AP3B1: variants seen among roughly 807,000 people sequenced by gnomAD.
AP3B1 encodes adaptor related protein complex 3 subunit beta 1.
In AP3B1, 61 loss-of-function variants were observed where a neutral mutation model predicts 132.5. The observed-to-expected ratio is 0.46, with a 90% CI of 0.37 to 0.57. The LOEUF is 0.57. Ranked by LOEUF, AP3B1 falls within the 20% of genes least tolerant of loss-of-function variation. The probability of loss-of-function intolerance (pLI) is 0.00; values close to 1 mark genes in which losing one functional copy is unlikely to be tolerated. For missense variants in AP3B1, 1,120 were observed against 1,289.4 expected, an observed-to-expected ratio of 0.87 and a Z score of 2.01; for synonymous variants, 388 against 438.3, an observed-to-expected ratio of 0.89 and a Z score of 1.43.
At position 78,239,428 on chromosome 5, in the gene AP3B1, G is replaced by A. The variant is rs145411710; in HGVS notation, c.279+1434C>T. The stretch of plus-strand genomic sequence containing the variant: ...CAAGGCTACAGTAAGCCACGATCAT[G>A]CCACTGCACTCCAGCCTGGGAGATA... On this transcript the variant is annotated intron_variant, in intron 3 of 26. Coordinates refer to ENST00000255194, the MANE Select transcript of AP3B1 (RefSeq NM_003664.5). 6.0e-4 allele frequency among the ~76,000 whole-genome samples: 87 copies of A among 145,562 alleles called. 1 individual carries two copies. The East Asian group carries it at 0.017, about 28-fold the overall frequency.
At chr5:78,059,807 T>C (rs1054200458) in intron 22 of AP3B1, among the ~76,000 whole-genome samples, 21 of 152,346 alleles carry the variant, frequency 1.4e-4, no homozygotes, top group African/African-American at 5.1e-4. Context: ...TTCAATTTAA[T>C]GCACTGCTTA....
At chr5:78,144,681 C>T (rs986325517) in intron 14 of AP3B1, among the ~76,000 whole-genome samples, 2 of 152,132 alleles carry the variant, frequency 1.3e-5, no homozygotes, top group Admixed American at 6.5e-5. Flanking sequence ...TGTGAGGCAT[C>T]TGGGCAACAA....
At chr5:78,024,561 A>ATTTTTT (rs70997962) in intron 24 of AP3B1, among the ~76,000 whole-genome samples, 4 of 113,478 alleles carry the variant, frequency 3.5e-5, no homozygotes, top group Admixed American at 1.0e-4. Flanking sequence ...AGCTAATTTA[A>ATTTTTT]TTTTTTTTTT....
intron 7 of AP3B1, among the ~76,000 whole-genome samples, chr5:78,184,188 A>C (rs945355285): frequency 6.6e-6 from 1 of 151,782 alleles, no homozygotes; most frequent in Non-Finnish European, 1.5e-5. Flanking sequence ...AAAATTATAA[A>C]GTTTAAAGAA....
intron 3 of AP3B1, among the ~76,000 whole-genome samples, chr5:78,230,017 C>A (rs958174161): frequency 6.6e-6 from 1 of 152,000 alleles, no homozygotes; most frequent in Non-Finnish European, 1.5e-5. Flanking sequence ...TTTTTTTCAG[C>A]GTGACACTAC....
intron 22 of AP3B1, among the ~76,000 whole-genome samples, chr5:78,081,300 ATTT>A (rs560113962): frequency 5.0e-5 from 5 of 100,870 alleles, no homozygotes; most frequent in African/African-American, 1.8e-4. Flanking sequence ...GCATTACTTC[ATTT>A]TTTTTTTTTT....
chr5:78,147,990 G>A lies in AP3B1; in HGVS notation c.1474-6671C>T, dbSNP rs543007703. On this transcript the variant is annotated intron_variant, in intron 14 of 26. Coordinates refer to ENST00000255194, the MANE Select transcript of AP3B1 (RefSeq NM_003664.5). ...GGAGGTTGCAGTGAGATGAGATTGC[G>A]CCACTGCACTCCAGCCAGGGTGACA... Among the ~76,000 whole-genome samples, 15 of 151,370 alleles carry A rather than the reference G, an allele frequency of 9.9e-5. No homozygotes were observed. The South Asian group carries it at 1.3e-3, about 13-fold the overall frequency.
At chr5:78,082,012 G>A (rs1455934091) in intron 22 of AP3B1, among the ~76,000 whole-genome samples, 1 of 152,160 alleles carries the variant, frequency 6.6e-6, no homozygotes, top group Non-Finnish European at 1.5e-5. Flanking sequence ...TTGCTGGGCA[G>A]ACTAAGCAAT....
At chr5:78,219,322 T>C (rs1489669762) in intron 6 of AP3B1, among the ~76,000 whole-genome samples, 2 of 152,068 alleles carry the variant, frequency 1.3e-5, no homozygotes, top group Non-Finnish European at 2.9e-5. Flanking sequence ...AAGAAAAGAA[T>C]GTCAACAAAT....
chr5:78,234,004 A>T lies in AP3B1; in HGVS notation c.280-5765T>A, dbSNP rs1005949450. Reference sequence around the variant, plus strand: ...ATAATATATACATTTATAAAAGAAGAATGCTTTAAATCACTGTTTTTTAAC... The same window carrying T: ...ATAATATATACATTTATAAAAGAAGTATGCTTTAAATCACTGTTTTTTAAC... On this transcript the variant is annotated intron_variant, in intron 3 of 26. Transcript: ENST00000255194. 4.1e-4 allele frequency among the ~76,000 whole-genome samples: 62 copies of T among 152,094 alleles called. 1 individual carries two copies. The highest frequency in any genetic ancestry group is 4.8e-5 in the African/African-American group (2 of 41,432).
intron 2 of AP3B1, among the ~76,000 whole-genome samples, chr5:78,246,356 ATAATT>A (rs1218219774): frequency 3.3e-5 from 5 of 152,230 alleles, no homozygotes; most frequent in Non-Finnish European, 5.9e-5. Flanking sequence ...GGAGATGGAC[ATAATT>A]TAATTTTTTC....
intron 14 of AP3B1, among the ~76,000 whole-genome samples, chr5:78,154,822 A>G (rs1743079481): frequency 6.6e-6 from 1 of 152,154 alleles, no homozygotes; most frequent in African/African-American, 2.4e-5. Flanking sequence ...AATATCTGTT[A>G]AATTTATCAG....
At position 78,279,785 on chromosome 5, in the gene AP3B1, T is replaced by G. The variant is rs180912282; in HGVS notation, c.129-12190A>C. 1.8e-4 allele frequency among the ~76,000 whole-genome samples: 27 copies of G among 146,326 alleles called. No homozygotes were observed. The East Asian group carries it at 5.3e-3, about 29-fold the overall frequency. ...TATTTTTTAACATATTATATAAAAT[T>G]TATATATATTATATATTAAGTCCTA... On this transcript the variant is annotated intron_variant, in intron 1 of 26. Coordinates refer to ENST00000255194, the MANE Select transcript of AP3B1 (RefSeq NM_003664.5).
In AP3B1 at chr5:78,200,234, G is replaced by T. The variant is rs528896930; in HGVS notation, c.786+15821C>A. 2.6e-5 allele frequency among the ~76,000 whole-genome samples: 4 copies of T among 152,062 alleles called. No individual in the cohort carries two copies. In the South Asian group the frequency reaches 8.3e-4, roughly 32 times the overall value. Reference sequence around the variant, plus strand: ...GGTGCAATCTGTGACTGCCAAGCAGGGGGAGGGGGGACAAGGGGAATGGGT... The same window carrying T: ...GGTGCAATCTGTGACTGCCAAGCAGTGGGAGGGGGGACAAGGGGAATGGGT... On this transcript the variant is annotated intron_variant, in intron 7 of 26. Coordinates refer to ENST00000255194, the MANE Select transcript of AP3B1 (RefSeq NM_003664.5).
At chr5:78,144,984 C>A (rs965160966) in intron 14 of AP3B1, among the ~76,000 whole-genome samples, 1 of 152,126 alleles carries the variant, frequency 6.6e-6, no homozygotes, top group Non-Finnish European at 1.5e-5. Flanking sequence ...CAGGCATGAG[C>A]CACCATGCCA....
intron 7 of AP3B1, among the ~76,000 whole-genome samples, chr5:78,199,184 C>T (rs1467253650): frequency 6.6e-6 from 1 of 152,178 alleles, no homozygotes; most frequent in African/African-American, 2.4e-5. Flanking sequence ...TTGCCCACAA[C>T]ACATCTCATT....
At chr5:78,209,110 A>G (rs1352878624) in intron 7 of AP3B1, among the ~76,000 whole-genome samples, 1 of 151,976 alleles carries the variant, frequency 6.6e-6, no homozygotes, top group African/African-American at 2.4e-5. Flanking sequence ...ACACACACAC[A>G]CACCAAAAAT....
intron 7 of AP3B1, among the ~76,000 whole-genome samples, chr5:78,184,076 G>T (rs1037515518): frequency 6.6e-6 from 1 of 151,688 alleles, no homozygotes; most frequent in African/African-American, 2.4e-5. Flanking sequence ...GCTGAGGCAG[G>T]AGACTCACTT....
chr5:78,280,060 G>A (rs1461540161), intron 1 of AP3B1, among the ~76,000 whole-genome samples: 1 of 135,500 alleles, frequency 7.4e-6, no homozygotes, highest in African/African-American at 2.7e-5. Flanking sequence ...GCGACAGGGT[G>A]AGACTCTGTC....
Sources: allele counts gnomAD v4.1 joint callset (sites outside exome capture counted in the v4.1 genomes callset), GRCh38; gene constraint gnomAD v4.1.1; transcripts MANE v1.5; gene names NCBI Gene and HGNC (gene_info 2026-07-23, HGNC 2026-07-21).